Variants in ASXL1 observed in about 807,000 individuals in gnomAD.
ASXL1 encodes the protein polycomb group protein ASXL1.
ASXL1 carries 65 observed loss-of-function variants against 89.1 expected under a neutral mutation model. The observed-to-expected ratio is 0.73, with a 90% CI of 0.60 to 0.90. The LOEUF is 0.90. Ranked by LOEUF, ASXL1 falls within the 40% of genes least tolerant of loss-of-function variation. ASXL1 has a pLI of 0.00. For missense variants in ASXL1, 1,786 were observed against 1,942.9 expected (o/e 0.92, Z 1.52); for synonymous variants, 739 against 746.9 (o/e 0.99, Z 0.17).
At chr20:32,425,167 T>C (rs2011239593) in intron 4 of ASXL1, among the ~76,000 whole-genome samples, 1 of 152,274 alleles carries the variant, frequency 6.6e-6, no homozygotes, top group South Asian at 2.1e-4. Context: ...GTTTTTAATA[T>C]TCATCTATGT....
intron 4 of ASXL1, among the ~76,000 whole-genome samples, chr20:32,406,682 C>T (rs2048961627): frequency 6.6e-6 from 1 of 152,182 alleles, no homozygotes; most frequent in Non-Finnish European, 1.5e-5. Flanking sequence ...GCTCCACTCT[C>T]ATCCCATGGA....
chr20:32,369,598 T>C (rs1312839101), intron 4 of ASXL1, among the ~76,000 whole-genome samples: 1 of 151,736 alleles, frequency 6.6e-6, no homozygotes, highest in African/African-American at 2.4e-5. Flanking sequence ...CTAATATGAA[T>C]CAGATATTAG....
chr20:32,429,256 G>A lies in ASXL1; in HGVS notation c.472-82G>A. On this transcript the variant is annotated intron_variant, in intron 6 of 12. Coordinates refer to ENST00000375687, the MANE Select transcript of ASXL1 (RefSeq NM_015338.6). The surrounding 1 kb of genome is among the most constrained non-coding windows in gnomAD (Gnocchi z 4.9). ...GACGAACTTCATTTTACAAGAGCGT[G>A]AGTAGAGATAGTGTCGCCAGGGAAT... 7.5e-7 allele frequency: 1 copy of A among 1,338,514 alleles called. No individual in the cohort carries two copies. The highest frequency in any genetic ancestry group is 1.5e-5 in the African/African-American group (1 of 68,856). 82.9% of individuals were successfully genotyped at this position (1,338,514 alleles called of 1,614,324 possible). A position where few individuals can be genotyped will look rare whatever the true frequency, so the allele number is the denominator to read the frequency against.
chr20:32,404,883 T>C (rs185890806), intron 4 of ASXL1, among the ~76,000 whole-genome samples: 1 of 152,372 alleles, frequency 6.6e-6, no homozygotes, highest in East Asian at 1.9e-4. Context: ...TCTGCATTGA[T>C]ATAAATAATT....
chr20:32,435,692 C>A lies in ASXL1; in HGVS notation c.2980C>A (p.Pro994Thr), dbSNP rs2011803887. 1 of 1,614,184 alleles carries A rather than the reference C, an allele frequency of 6.2e-7. No individual in the cohort carries two copies. The highest frequency in any genetic ancestry group is 8.5e-7 in the Non-Finnish European group (1 of 1,180,030). Residue 994 changes from proline to threonine, a missense_variant, in exon 13 of 13, where the codon CCT (proline) becomes ACT (threonine). By Grantham distance (38) the Pro-to-Thr change is conservative. This residue lies in a region of ASXL1 where 1,418 missense variants were observed against 1,427.8 expected (regional missense o/e 0.99). Transcript: ENST00000375687. ...CAACGGAGACTCTGAAGCACTGAGT[C>A]CTCACGGTGAGTCCACGGATACAGC... ...KINGDSEALS[P>T]HGESTDTASD...
At chr20:32,414,299 G>C (rs1053567840) in intron 4 of ASXL1, among the ~76,000 whole-genome samples, 1 of 151,262 alleles carries the variant, frequency 6.6e-6, no homozygotes, top group Non-Finnish European at 1.5e-5. Flanking sequence ...TCTTAATGGA[G>C]CTTCTTTTTC....
intron 4 of ASXL1, among the ~76,000 whole-genome samples, 186 bp downstream of exon 4, chr20:32,369,309 C>T (rs759713091): frequency 9.9e-5 from 15 of 152,008 alleles, no homozygotes; most frequent in Non-Finnish European, 2.1e-4. Context: ...TGCAATGGGG[C>T]GAGATCTCGG....
At chr20:32,401,214 C>T (rs2048865853) in intron 4 of ASXL1, among the ~76,000 whole-genome samples, 1 of 152,154 alleles carries the variant, frequency 6.6e-6, no homozygotes, top group Non-Finnish European at 1.5e-5. Flanking sequence ...ATATACAGTT[C>T]TATGAAGTTT....
chr20:32,383,554 G>A (rs750937956), intron 4 of ASXL1, among the ~76,000 whole-genome samples: 2 of 151,996 alleles, frequency 1.3e-5, no homozygotes, highest in Admixed American at 6.6e-5. Context: ...TGATCCTCCC[G>A]CCTCGGCCTC....
In ASXL1 at chr20:32,436,113, C is replaced by T. The variant is rs367744979; in HGVS notation, c.3401C>T (p.Pro1134Leu). 68 of 1,614,186 alleles carry T rather than the reference C, an allele frequency of 4.2e-5. No homozygotes were observed. Among genetic ancestry groups the T allele is most frequent in the Middle Eastern group, 1.6e-4 (1 of 6,062 alleles). The change falls in exon 13 of 13, where the codon CCA (proline) becomes CTA (leucine). Residue 1134 changes from proline to leucine, a missense_variant. This residue lies in a region of ASXL1 where 1,418 missense variants were observed against 1,427.8 expected (regional missense o/e 0.99). Transcript: ENST00000375687. ...CACGATGACAGCATGTCAGAATCCC[C>T]ACAAGTACCACTTACAAAAGACCAG... ...PAHDDSMSES[P>L]QVPLTKDQSH...
At chr20:32,409,752 T>A (rs1192835618) in intron 4 of ASXL1, among the ~76,000 whole-genome samples, 2 of 148,690 alleles carry the variant, frequency 1.3e-5, no homozygotes, top group Non-Finnish European at 3.0e-5. Flanking sequence ...TCCCTATCTT[T>A]AAAAAAAAAA....
rs1166823647 is a variant in ASXL1 at position 32,429,294 on chromosome 20, C to G, written c.472-44C>G. 4 of 1,585,980 alleles carry G rather than the reference C, an allele frequency of 2.5e-6. No homozygotes were observed. The East Asian group carries it at 9.0e-5, about 36-fold the overall frequency. ...GTCGCCAGGGAATGCTTTTGTGGCT[C>G]TGCAGTTGACTTGGGCTCTCTTTTG... On this transcript the variant is annotated intron_variant, in intron 6 of 12. Coordinates refer to ENST00000375687, the MANE Select transcript of ASXL1 (RefSeq NM_015338.6). The surrounding 1 kb of genome is among the most constrained non-coding windows in gnomAD (Gnocchi z 4.9).
rs1569325930 is a variant in ASXL1 at position 32,433,776 on chromosome 20, C to G, written c.1578C>G (p.Ser526=). The change falls in exon 12 of 13, where the codon TCC becomes TCG. Residue 526 remains serine (S), a synonymous_variant. Transcript: ENST00000375687. ...DQEPKDQKRK[S]FEQAASASFP... is the part of the protein sequence containing the mutation. ...AACCCAAGGATCAGAAGAGGAAATC[C>G]TTTGAGCAGGCGGCCTCTGCATCCT... is the stretch of plus-strand genomic sequence containing the variant. 1.9e-6 allele frequency: 3 copies of G among 1,614,234 alleles called. No homozygotes were observed. Among genetic ancestry groups the G allele is most frequent in the Non-Finnish European group, 2.5e-6 (3 of 1,180,050 alleles).
At chr20:32,412,740 C>T (rs1449807621) in intron 4 of ASXL1, among the ~76,000 whole-genome samples, 1 of 141,162 alleles carries the variant, frequency 7.1e-6, no homozygotes, top group Non-Finnish European at 1.5e-5. Context: ...TTTTTTTTTG[C>T]AGACATGGGG....
In ASXL1 at chr20:32,434,715, G is replaced by A; in HGVS notation, c.2003G>A (p.Gly668Asp). ...GGCAGAGGCAGCAGCAGTGGTGATG[G>A]TGGTGAGGCCTGTGGCCACCCTGAG... Reference protein sequence around the residue: ...GGGRGSSSGDGGEACGHPEPR... With the variant: ...GGGRGSSSGDDGEACGHPEPR... Residue 668 changes from glycine (G) to aspartate (D), a missense_variant, in exon 13 of 13, where the codon GGT becomes GAT. Physicochemically the swap from Gly to Asp is moderately conservative, Grantham distance 94. Transcript: ENST00000375687. 1.9e-6 allele frequency: 3 copies of A among 1,610,636 alleles called. No homozygotes were observed. Among genetic ancestry groups the A allele is most frequent in the East Asian group, 2.2e-5 (1 of 44,656 alleles).
At chr20:32,431,515 C>G in intron 9 of ASXL1, 31 bp downstream of exon 9, 1 of 1,614,128 alleles carries the variant, frequency 6.2e-7, no homozygotes, top group Non-Finnish European at 8.5e-7. Context: ...CTTTGCCTCT[C>G]TCTGGGTGGG....
At chr20:32,387,329 C>G (rs890692410) in intron 4 of ASXL1, among the ~76,000 whole-genome samples, 1 of 152,076 alleles carries the variant, frequency 6.6e-6, no homozygotes, top group East Asian at 1.9e-4. Flanking sequence ...TATATAATAT[C>G]CAGCCCAGGC....
intron 4 of ASXL1, among the ~76,000 whole-genome samples, chr20:32,411,631 G>A (rs1333539318): frequency 2.1e-5 from 3 of 145,782 alleles, no homozygotes; most frequent in Non-Finnish European, 3.0e-5. Flanking sequence ...AGCCTCTGCC[G>A]CCTGGGTTCA....
At chr20:32,392,308 G>T (rs1291280084) in intron 4 of ASXL1, among the ~76,000 whole-genome samples, 8 of 148,716 alleles carry the variant, frequency 5.4e-5, no homozygotes, top group Non-Finnish European at 1.0e-4. Context: ...CCGAGATGGA[G>T]ATTTGCTCTT....
Sources: gnomAD v4.1 joint callset for allele counts (sites outside exome capture counted in the v4.1 genomes callset) on GRCh38, gnomAD v4.1.1 for gene constraint, gnomAD v4.1.1 regional missense constraint, Gnocchi (gnomAD v3.1) non-coding constraint, MANE v1.5 for transcripts, NCBI Gene and HGNC (gene_info 2026-07-23, HGNC 2026-07-21) for gene names.